The following SUMF1 variants were observed in gnomAD, a reference collection of about 807,000 sequenced individuals.
The protein encoded by SUMF1 is formylglycine-generating enzyme.
A neutral mutation model predicts 47.6 loss-of-function variants in SUMF1; 48 were observed. That is an observed-to-expected ratio of 1.01 (90% confidence interval 0.80 to 1.28). The LOEUF is 1.28. SUMF1 is among the 50% of genes most tolerant of loss of function. The pLI is 0.00. For missense variants in SUMF1, 571 were observed against 485.4 expected, an observed-to-expected ratio of 1.18 and a Z score of -1.66; for synonymous variants, 230 against 192.1, an observed-to-expected ratio of 1.20 and a Z score of -1.63.
intron 9 of SUMF1, among the ~76,000 whole-genome samples, chr3:4,035,844 A>C (rs1474121885): frequency 6.6e-6 from 1 of 151,004 alleles, no homozygotes; most frequent in Non-Finnish European, 1.5e-5. Flanking sequence ...AAACTGTAGT[A>C]ATATTAGTGA....
At chr3:4,286,365 C>A (rs1006469164) in intron 8 of SUMF1, among the ~76,000 whole-genome samples, 14 of 152,064 alleles carry the variant, frequency 9.2e-5, no homozygotes, top group African/African-American at 3.1e-4. Flanking sequence ...AACAAAGAAG[C>A]AAGGCTGGGA....
downstream of SUMF1, among the ~76,000 whole-genome samples, chr3:4,357,031 C>A (rs141744381): frequency 0.023 from 3,557 of 152,216 alleles, 156 homozygotes; most frequent in African/African-American, 0.082. Context: ...AAAGACACTG[C>A]CCACCTTAAA....
chr3:4,195,763 T>A (rs926885880), intron 8 of SUMF1, among the ~76,000 whole-genome samples: 3 of 152,136 alleles, frequency 2.0e-5, no homozygotes, highest in African/African-American at 4.8e-5. Flanking sequence ...AGGCAATTGA[T>A]CATGGTTTTT....
rs1382493193 is a variant in SUMF1, at chr3:4,456,953, C to T, written c.271-3904G>A. ...ATATATACGTGTGTGTACATATATA[C>T]GTGTGTGTATATATATACGTGTGTG... On this transcript the variant is annotated intron_variant, in intron 1 of 8. Coordinates refer to ENST00000272902, the MANE Select transcript of SUMF1 (RefSeq NM_182760.4). Among the ~76,000 whole-genome samples, 52 of 42,392 alleles carry T rather than the reference C, an allele frequency of 1.2e-3. 1 individual carries two copies. The highest frequency in any genetic ancestry group is 1.7e-3 in the African/African-American group (18 of 10,542). 27.8% of individuals were successfully genotyped at this position (42,392 alleles called of 152,430 possible).
At chr3:4,215,733 A>T (rs532594008) in intron 8 of SUMF1, among the ~76,000 whole-genome samples, 1 of 152,304 alleles carries the variant, frequency 6.6e-6, no homozygotes, top group East Asian at 1.9e-4. Flanking sequence ...AATCACAAGC[A>T]TTCCTATACA....
intron 8 of SUMF1, chr3:4,316,981 C>G: frequency 6.5e-7 from 1 of 1,549,390 alleles, no homozygotes; most frequent in Admixed American, 2.0e-5. Context: ...GTTGCACAAC[C>G]CACACTTCAA....
chr3:4,398,639 A>T (rs905196440), intron 7 of SUMF1, among the ~76,000 whole-genome samples: 1 of 152,192 alleles, frequency 6.6e-6, no homozygotes, highest in East Asian at 1.9e-4. Context: ...AATAATTTTT[A>T]AAAATAATTT....
chr3:4,110,805 G>T (rs1450182828), intron 8 of SUMF1, among the ~76,000 whole-genome samples: 1 of 134,276 alleles, frequency 7.4e-6, no homozygotes, highest in African/African-American at 2.8e-5. Context: ...AGAACACTTG[G>T]ACACAGGAAG....
intron 9 of SUMF1, among the ~76,000 whole-genome samples, chr3:4,038,253 C>T (rs1234128039): frequency 1.3e-5 from 2 of 152,128 alleles, no homozygotes; most frequent in South Asian, 2.1e-4. Flanking sequence ...AGCAATCGCT[C>T]ACTGCAATCA....
At chr3:4,305,327 C>T (rs1698147803) in intron 8 of SUMF1, among the ~76,000 whole-genome samples, 1 of 152,148 alleles carries the variant, frequency 6.6e-6, no homozygotes, top group African/African-American at 2.4e-5. Context: ...CTCAAGTGAT[C>T]CACCCACCTG....
At chr3:4,385,311 T>A (rs1375481116) in intron 7 of SUMF1, among the ~76,000 whole-genome samples, 1 of 152,244 alleles carries the variant, frequency 6.6e-6, no homozygotes, top group African/African-American at 2.4e-5. Flanking sequence ...ACTTTTTAAT[T>A]TTAGCCATTC....
chr3:4,458,616 G>A (rs2079728397), intron 1 of SUMF1, among the ~76,000 whole-genome samples: 1 of 152,200 alleles, frequency 6.6e-6, no homozygotes, highest in Non-Finnish European at 1.5e-5. Context: ...AGCACTTTGG[G>A]AGGCCGAGGC....
Position 4,301,139 on chromosome 3 carries a change from C to T in SUMF1, c.1014+75191G>A, listed in dbSNP as rs113894930. ...ACTAATGTAAAGAGGGTAACCAATG[C>T]TAAGGGAAACAGGGTAAAGAAAGAT... On this transcript the variant is annotated intron_variant and NMD_transcript_variant, in intron 8 of 12. Transcript: ENST00000448413. Among the ~76,000 whole-genome samples, 7 of 152,104 alleles carry T rather than the reference C, an allele frequency of 4.6e-5. 1 individual carries two copies. The highest frequency in any genetic ancestry group is 2.1e-4 in the South Asian group (1 of 4,802).
chr3:4,264,477 G>C (rs1242617050), intron 8 of SUMF1, among the ~76,000 whole-genome samples: 2 of 152,150 alleles, frequency 1.3e-5, no homozygotes, highest in African/African-American at 4.8e-5. Flanking sequence ...GCCATGGGAT[G>C]TTTCTGTAAT....
At chr3:4,368,060 T>C (rs913923200) in intron 8 of SUMF1, among the ~76,000 whole-genome samples, 2 of 151,978 alleles carry the variant, frequency 1.3e-5, no homozygotes, top group Non-Finnish European at 2.9e-5. Context: ...ACCTACAAAA[T>C]GGGAGAAAAT....
At chr3:4,198,115 A>G (rs1450005516) in intron 8 of SUMF1, among the ~76,000 whole-genome samples, 1 of 151,542 alleles carries the variant, frequency 6.6e-6, no homozygotes, top group Non-Finnish European at 1.5e-5. Context: ...AATCAAAGCA[A>G]TATTTTCTCT....
intron 8 of SUMF1, among the ~76,000 whole-genome samples, chr3:4,246,301 G>A (rs184151918): frequency 1.3e-5 from 2 of 151,980 alleles, no homozygotes; most frequent in East Asian, 3.9e-4. Context: ...GATGAACCAG[G>A]TACCTCAGTT....
intron 2 of SUMF1, among the ~76,000 whole-genome samples, chr3:4,450,679 T>C (rs187785911): frequency 6.6e-6 from 1 of 152,140 alleles, no homozygotes; most frequent in Non-Finnish European, 1.5e-5. Flanking sequence ...AAGACAATAA[T>C]TATAACTTTA....
intron 8 of SUMF1, among the ~76,000 whole-genome samples, chr3:4,137,037 G>T (rs374109127): frequency 3.9e-5 from 6 of 152,164 alleles, no homozygotes; most frequent in South Asian, 4.2e-4. Context: ...CTGTAAACTA[G>T]TTCAACCATT....
Sources: allele counts gnomAD v4.1 joint callset (sites outside exome capture counted in the v4.1 genomes callset), GRCh38; gene constraint gnomAD v4.1.1; transcripts MANE v1.5; gene names NCBI Gene and HGNC (gene_info 2026-07-23, HGNC 2026-07-21).